Variants in FAM133B observed in about 807,000 individuals in gnomAD.
FAM133B encodes protein FAM133B.
FAM133B carries 25 observed loss-of-function variants against 46.4 expected under a neutral mutation model. That is an observed-to-expected ratio of 0.54 (90% CI 0.39 to 0.75). The LOEUF (loss-of-function observed/expected upper bound fraction) is 0.75, where lower values mean the gene tolerates loss of function less well. FAM133B is among the 30% of genes least tolerant of loss of function. FAM133B has a pLI of 0.00. For missense variants in FAM133B, 205 were observed against 277.6 expected (o/e 0.74, Z 1.86); for synonymous variants, 75 against 86.0 (o/e 0.87, Z 0.71).
At chr7:92,580,109 T>C (rs1311194631) in intron 2 of FAM133B, among the ~76,000 whole-genome samples, 1 of 152,124 alleles carries the variant, frequency 6.6e-6, no homozygotes, top group East Asian at 1.9e-4. Flanking sequence ...GGCCTTGCTC[T>C]GTCACCCAAG....
chr7:92,572,083 T>C (rs1157068174), intron 8 of FAM133B, among the ~76,000 whole-genome samples: 1 of 152,136 alleles, frequency 6.6e-6, no homozygotes, highest in Non-Finnish European at 1.5e-5. Context: ...ATTAAAGCCT[T>C]TATATAATTA....
At chr7:92,577,039 T>G (rs1794720975) in intron 7 of FAM133B, 64 bp downstream of exon 7, 1 of 1,025,498 alleles carries the variant, frequency 9.8e-7, no homozygotes. Flanking sequence ...TGAGAGCAAC[T>G]TTAGGCAGAA....
At chr7:92,584,892 G>A (rs1794996282) in intron 1 of FAM133B, among the ~76,000 whole-genome samples, 1 of 152,160 alleles carries the variant, frequency 6.6e-6, no homozygotes, top group Non-Finnish European at 1.5e-5. Context: ...CAAAAAGCCA[G>A]GTGCACTGGC....
chr7:92,573,490 A>G (rs1444959209), intron 8 of FAM133B, among the ~76,000 whole-genome samples: 1 of 151,792 alleles, frequency 6.6e-6, no homozygotes, highest in Admixed American at 6.6e-5. Flanking sequence ...ACATAAAACA[A>G]GACTTGAAGC....
At chr7:92,577,577 T>C in intron 6 of FAM133B, 78 bp downstream of exon 6, 1 of 1,213,918 alleles carries the variant, frequency 8.2e-7, no homozygotes, top group Non-Finnish European at 1.1e-6. Context: ...TTCTAACAGA[T>C]ATTTCACAAT....
intron 1 of FAM133B, 126 bp downstream of exon 1, chr7:92,590,142 G>A: frequency 1.4e-6 from 2 of 1,431,758 alleles, no homozygotes; most frequent in Non-Finnish European, 1.9e-6. Flanking sequence ...GGAGGGTGCT[G>A]GGTCTCCAGG....
chr7:92,587,504 G>A (rs565476858), intron 1 of FAM133B, among the ~76,000 whole-genome samples: 1 of 152,274 alleles, frequency 6.6e-6, no homozygotes, highest in Non-Finnish European at 1.5e-5. Context: ...GCCGAGACGG[G>A]AGGATTGCTT....
chr7:92,582,466 T>C (rs577402523), intron 1 of FAM133B, among the ~76,000 whole-genome samples: 1 of 152,084 alleles, frequency 6.6e-6, no homozygotes, highest in African/African-American at 2.4e-5. Flanking sequence ...CATCAAAAAT[T>C]GTAGGCAGGC....
chr7:92,567,196 G>A (rs923045374), intron 9 of FAM133B, among the ~76,000 whole-genome samples: 53 of 152,240 alleles, frequency 3.5e-4, no homozygotes, highest in South Asian at 6.2e-4. Flanking sequence ...CAGCCTGGGC[G>A]ATAGAGCAAG....
chr7:92,562,271 T>A lies in FAM133B; in HGVS notation c.*11A>T. The stretch of plus-strand genomic sequence containing the variant: ...ACTTTCTTTATAAGGGAATCCTGAT[T>A]TTTCTTAATGTTATGGTGAGTCAGG... On this transcript the variant is annotated 3_prime_UTR_variant, in exon 11 of 11. Transcript: ENST00000445716. 6.6e-7 allele frequency: 1 copy of A among 1,525,128 alleles called. No individual in the cohort carries two copies. The allele number at this position is 1,525,128 out of a possible 1,614,324, so 94.5% of individuals were successfully genotyped here. A position where few individuals can be genotyped will look rare whatever the true frequency, so the allele number is the denominator to read the frequency against.
intron 9 of FAM133B, among the ~76,000 whole-genome samples, chr7:92,567,296 G>A (rs914280007): frequency 6.6e-6 from 1 of 152,198 alleles, no homozygotes; most frequent in Non-Finnish European, 1.5e-5. Context: ...CCAAATGTGA[G>A]ATATTTCATA....
At chr7:92,582,302 AATAACATAAAATAAC>A (rs1186623546) in intron 1 of FAM133B, among the ~76,000 whole-genome samples, 6 of 114,310 alleles carry the variant, frequency 5.2e-5, no homozygotes, top group Non-Finnish European at 7.4e-5. Flanking sequence ...ACATAACATA[AATAACATAAAATAAC>A]ATAACATAAA....
At chr7:92,579,752 AG>A (rs538727165) in intron 2 of FAM133B, among the ~76,000 whole-genome samples, 1 of 152,218 alleles carries the variant, frequency 6.6e-6, no homozygotes, top group Non-Finnish European at 1.5e-5. Context: ...AGCTTGGAGA[AG>A]GTAAGAAATC....
At chr7:92,576,338 A>G (rs996738477) in intron 7 of FAM133B, among the ~76,000 whole-genome samples, 2 of 151,718 alleles carry the variant, frequency 1.3e-5, no homozygotes, top group South Asian at 4.1e-4. Flanking sequence ...GCACTCAATA[A>G]ATGTTAGCTA....
intron 10 of FAM133B, among the ~76,000 whole-genome samples, chr7:92,563,824 C>T (rs1000503030): frequency 5.3e-5 from 8 of 152,120 alleles, no homozygotes; most frequent in East Asian, 1.9e-4. Context: ...CTCCAATGTC[C>T]GCATTCAAAG....
intron 9 of FAM133B, 65 bp downstream of exon 9, chr7:92,569,758 C>A: frequency 1.3e-6 from 1 of 755,046 alleles, no homozygotes; most frequent in South Asian, 2.8e-5. Context: ...TTTTCTAAGT[C>A]ATATTTATTA....
intron 5 of FAM133B, 66 bp downstream of exon 5, chr7:92,578,084 A>G: frequency 7.1e-7 from 1 of 1,415,560 alleles, no homozygotes; most frequent in Non-Finnish European, 9.9e-7. Flanking sequence ...GGTTAAACAA[A>G]TTATTCTTAC....
chr7:92,575,317 T>C (rs1794661681), intron 8 of FAM133B, among the ~76,000 whole-genome samples: 1 of 152,018 alleles, frequency 6.6e-6, no homozygotes, highest in East Asian at 1.9e-4. Context: ...CTACTAAAAA[T>C]ACAAAAATCA....
chr7:92,574,298 CTA>C (rs1313886746), intron 8 of FAM133B, among the ~76,000 whole-genome samples: 1 of 152,184 alleles, frequency 6.6e-6, no homozygotes, highest in East Asian at 1.9e-4. Flanking sequence ...TTTGAAAATA[CTA>C]TGCCAGCTGA....
Sources: gnomAD v4.1 joint callset for allele counts (sites outside exome capture counted in the v4.1 genomes callset) on GRCh38, gnomAD v4.1.1 for gene constraint, MANE v1.5 for transcripts, NCBI Gene and HGNC (gene_info 2026-07-23, HGNC 2026-07-21) for gene names.